Variants in PKD1L1 observed in about 807,000 individuals in gnomAD.
The protein encoded by PKD1L1 is polycystin-1-like protein 1.
PKD1L1 carries 236 observed loss-of-function variants against 323.4 expected under a neutral mutation model. The observed-to-expected ratio is 0.73, with a 90% confidence interval of 0.66 to 0.81. The LOEUF is 0.81. PKD1L1 is among the 40% of genes least tolerant of loss of function. PKD1L1 has a pLI of 0.00. For synonymous variants in PKD1L1, 1,344 were observed against 1,335.0 expected, an observed-to-expected ratio of 1.01 and a Z score of -0.15; for missense variants, 3,320 against 3,508.0, an observed-to-expected ratio of 0.95 and a Z score of 1.35.
chr7:47,804,468 AATTT>A (rs1160220280), intron 52 of PKD1L1, among the ~76,000 whole-genome samples: 95 of 100,584 alleles, frequency 9.4e-4, no homozygotes, highest in African/African-American at 2.8e-3. Flanking sequence ...TTACATTTTT[AATTT>A]TTTTTTTTTT....
intron 41 of PKD1L1, among the ~76,000 whole-genome samples, chr7:47,831,626 C>T (rs1405984036): frequency 1.3e-5 from 2 of 152,174 alleles, no homozygotes; most frequent in East Asian, 3.8e-4. Context: ...AGGCTGAGAA[C>T]AGGGGAACTC....
chr7:47,860,102 G>A (rs1022889370), intron 26 of PKD1L1, among the ~76,000 whole-genome samples: 2 of 152,114 alleles, frequency 1.3e-5, no homozygotes, highest in African/African-American at 4.8e-5. Flanking sequence ...CAAATCTCAG[G>A]TATTATTTTT....
chr7:47,921,238 C>CAAA (rs139205889), intron 7 of PKD1L1, among the ~76,000 whole-genome samples: 919 of 79,372 alleles, frequency 0.012, 18 homozygotes, highest in Middle Eastern at 0.049. Context: ...AGACAATTCT[C>CAAA]AAAAAAAAAA....
At chr7:47,818,023 C>T (rs1228376418) in intron 46 of PKD1L1, 3 of 1,362,502 alleles carry the variant, frequency 2.2e-6, no homozygotes, top group East Asian at 9.1e-5. Flanking sequence ...TTAATCTTTG[C>T]AGGTCTTTTA....
chr7:47,908,021 C>A (rs1787242440), intron 9 of PKD1L1, 56 bp downstream of exon 9: 15 of 1,550,668 alleles, frequency 9.7e-6, no homozygotes, highest in East Asian at 2.3e-5. Flanking sequence ...AGCGGAGATA[C>A]CCTGCTTCAT....
At chr7:47,824,686 C>T (rs1006191329) in intron 45 of PKD1L1, among the ~76,000 whole-genome samples, 1 of 152,070 alleles carries the variant, frequency 6.6e-6, no homozygotes, top group African/African-American at 2.4e-5. Context: ...TATTCTTGTC[C>T]CCTTTCATTA....
chr7:47,882,036 C>G lies in PKD1L1; in HGVS notation c.3315G>C (p.Glu1105Asp), dbSNP rs780623219. The G allele has an allele frequency of 6.2e-7, 1 of 1,613,928 alleles. No homozygotes were observed. The highest frequency in any genetic ancestry group is 8.5e-7 in the Non-Finnish European group (1 of 1,179,988). The change falls in exon 20 of 57, where the codon GAG (glutamate) becomes GAC (aspartate). Residue 1105 changes from glutamate to aspartate, a missense_variant. Coordinates refer to ENST00000289672, the MANE Select transcript of PKD1L1 (RefSeq NM_138295.5). ...PGSGPSLSAE[E>D]SPGDGDNLVD... The stretch of plus-strand genomic sequence containing the variant: ...CCAGGTTATCCCCATCTCCAGGGCT[C>G]TCCTCGGCACTCAAGCTAGGTCCTG...
intron 10 of PKD1L1, among the ~76,000 whole-genome samples, chr7:47,905,630 C>T (rs1445095021): frequency 1.3e-5 from 2 of 152,212 alleles, no homozygotes; most frequent in African/African-American, 2.4e-5. Context: ...CCCGATAACC[C>T]ACCTTCCCAT....
At chr7:47,814,804 G>A (rs554180724) in intron 47 of PKD1L1, among the ~76,000 whole-genome samples, 7 of 152,140 alleles carry the variant, frequency 4.6e-5, no homozygotes, top group Non-Finnish European at 7.4e-5. Flanking sequence ...GAGCCACCGC[G>A]CCCAGGATAT....
chr7:47,792,261 C>T (rs1467603766), intron 56 of PKD1L1, among the ~76,000 whole-genome samples: 1 of 152,018 alleles, frequency 6.6e-6, no homozygotes, highest in Non-Finnish European at 1.5e-5. Flanking sequence ...TTTTACTGTT[C>T]TTGGCATCCA....
intron 56 of PKD1L1, among the ~76,000 whole-genome samples, chr7:47,788,463 G>A (rs1204836515): frequency 6.7e-6 from 1 of 149,972 alleles, no homozygotes; most frequent in Non-Finnish European, 1.5e-5. Flanking sequence ...AATTTTTGTT[G>A]GCCAGGCTGG....
At chr7:47,951,788 A>C (rs1788209094), upstream of PKD1L1, among the ~76,000 whole-genome samples, 1 of 152,242 alleles carries the variant, frequency 6.6e-6, no homozygotes, top group African/African-American at 2.4e-5. Context: ...ATACAAGGAA[A>C]AATAACACTA....
intron 3 of PKD1L1, 146 bp from the exon 4 acceptor site, chr7:47,937,104 C>T (rs949607241): frequency 1.0e-4 from 65 of 629,614 alleles, no homozygotes; most frequent in Non-Finnish European, 1.6e-4. Context: ...GAAGCAACAG[C>T]GAGGAAAGCA....
rs562507290 is a variant in PKD1L1 at position 47,854,755 on chromosome 7, T to G, written c.4859+127A>C. ...CCAAACAGCAGAATAGATAACAATT[T>G]CTTTAAACAATGAGCCTCATTATTG... On this transcript the variant is annotated intron_variant, in intron 30 of 56. Transcript: ENST00000289672. 3.0e-5 allele frequency: 36 copies of G among 1,214,178 alleles called. 1 individual carries two copies. The South Asian group carries it at 4.0e-4, about 13-fold the overall frequency. The allele number at this position is 1,214,178 out of a possible 1,614,324, so 75.2% of individuals were successfully genotyped here.
At chr7:47,855,593 G>GAA (rs1554403099) in intron 28 of PKD1L1, among the ~76,000 whole-genome samples, 2,229 of 144,716 alleles carry the variant, frequency 0.015, 345 homozygotes, top group African/African-American at 0.028. Context: ...ATGCAAGAGT[G>GAA]GGGCCGGGCG....
chr7:47,857,553 C>A, intron 28 of PKD1L1, 52 bp downstream of exon 28: 5 of 1,507,172 alleles, frequency 3.3e-6, no homozygotes, highest in Non-Finnish European at 4.6e-6. Flanking sequence ...AGCCCAATTA[C>A]TGCAAATTTG....
At chr7:47,958,637 GATAGTGAAGCGACAACCT>G in the PKD1L1 span, among the ~76,000 whole-genome samples, 1 of 152,182 alleles carries the variant, frequency 6.6e-6, no homozygotes, top group Non-Finnish European at 1.5e-5. Flanking sequence ...GGAAACAACC[GATAGTGAAGCGACAACCT>G]ATAGAATGGG....
At chr7:47,930,812 C>CA (rs890722665) in intron 6 of PKD1L1, among the ~76,000 whole-genome samples, 1 of 151,854 alleles carries the variant, frequency 6.6e-6, no homozygotes, top group African/African-American at 2.4e-5. Context: ...GAGACTCTGT[C>CA]AAAAAAACAA....
chr7:47,808,319 A>T lies in PKD1L1; in HGVS notation c.7755T>A (p.Asp2585Glu), dbSNP rs773305404. 9 of 1,614,184 alleles carry T rather than the reference A, an allele frequency of 5.6e-6. No individual in the cohort carries two copies. The highest frequency in any genetic ancestry group is 1.7e-5 in the Admixed American group (1 of 60,014). ...GTCCTCTGTGAAACTGGTTAGTGAC[A>T]TCTCCAGCAAGAGTAACAAGGTGGC... The part of the protein sequence containing the change: ...VSGHLVTLAG[D>E]VTNQFHRGLC... The change falls in exon 52 of 57, where the codon GAT becomes GAA. Residue 2585 changes from aspartate (D) to glutamate (E), a missense_variant. Physicochemically the swap from Asp to Glu is conservative, Grantham distance 45. Transcript: ENST00000289672.
Sources: allele counts gnomAD v4.1 joint callset (sites outside exome capture counted in the v4.1 genomes callset), GRCh38; gene constraint gnomAD v4.1.1; transcripts MANE v1.5; gene names NCBI Gene and HGNC (gene_info 2026-07-23, HGNC 2026-07-21).